KCNC2: variants seen among roughly 807,000 people sequenced by gnomAD.
KCNC2 encodes the protein voltage-gated potassium channel KCNC2.
Under a neutral mutation model 44.5 loss-of-function variants are expected in KCNC2, and 21 were observed. The ratio of observed to expected loss-of-function variants is 0.47; its 90% CI spans 0.33 to 0.68. The LOEUF is 0.68. Ranked by LOEUF, KCNC2 falls within the 30% of genes least tolerant of loss-of-function variation. The pLI is 0.01. For missense variants in KCNC2, 589 were observed against 826.2 expected, an observed-to-expected ratio of 0.71 and a Z score of 3.52; for synonymous variants, 391 against 339.1, an observed-to-expected ratio of 1.15 and a Z score of -1.68.
intron 2 of KCNC2, among the ~76,000 whole-genome samples, chr12:75,204,659 G>T (rs184023230): frequency 6.6e-5 from 10 of 152,040 alleles, no homozygotes; most frequent in South Asian, 4.1e-4. Flanking sequence ...ATGTTTCCTC[G>T]AATTGTGTCG....
chr12:75,205,030 T>A (rs1046630110), intron 2 of KCNC2, among the ~76,000 whole-genome samples: 5 of 152,130 alleles, frequency 3.3e-5, no homozygotes, highest in Non-Finnish European at 7.4e-5. Flanking sequence ...GGAATACATA[T>A]ATTTTAAAAG....
rs1348256175 is a variant in KCNC2, at chr12:75,143,304, T to C, written c.687+63993A>G. On this transcript the variant is annotated intron_variant, in intron 2 of 4. Transcript: ENST00000549446. ...TTTCCTACCTATTCTCCTGTACTTA[T>C]GTCTCAAACTTCATACTCTACTGCC... 2.6e-5 allele frequency among the ~76,000 whole-genome samples: 4 copies of C among 152,328 alleles called. No homozygotes were observed. In the South Asian group the frequency reaches 6.2e-4, roughly 24 times the overall value.
intron 2 of KCNC2, among the ~76,000 whole-genome samples, chr12:75,204,369 G>T (rs574096867): frequency 2.6e-5 from 4 of 152,026 alleles, no homozygotes; most frequent in Non-Finnish European, 4.4e-5. Context: ...TCCTATCACC[G>T]TTGTTTTGTC....
rs903205464 is a variant in KCNC2, at chr12:75,091,799, A to G, written c.688-40482T>C. On this transcript the variant is annotated intron_variant, in intron 2 of 4. Coordinates refer to ENST00000549446, the MANE Select transcript of KCNC2 (RefSeq NM_139137.4). ...AAATCTATGTAGACAATAGAATACTATAAGGATTGCAGGCAAAGATAAAAG... is the reference window on the plus strand; with the variant it reads ...AAATCTATGTAGACAATAGAATACTGTAAGGATTGCAGGCAAAGATAAAAG... Among the ~76,000 whole-genome samples the G allele has an allele frequency of 2.0e-5, 3 of 151,768 alleles. No homozygotes were observed. The South Asian group carries it at 6.2e-4, about 31-fold the overall frequency.
chr12:75,139,130 A>G (rs1451831621), intron 2 of KCNC2, among the ~76,000 whole-genome samples: 1 of 152,118 alleles, frequency 6.6e-6, no homozygotes, highest in Non-Finnish European at 1.5e-5. Flanking sequence ...GACCTCAGGG[A>G]CCTAATAAAT....
At chr12:75,163,582 A>G (rs1386586753) in intron 2 of KCNC2, among the ~76,000 whole-genome samples, 1 of 151,718 alleles carries the variant, frequency 6.6e-6, no homozygotes, top group Non-Finnish European at 1.5e-5. Context: ...AAATTTCAAA[A>G]CTATGAGACA....
chr12:75,189,735 G>T (rs1471863716), intron 2 of KCNC2, among the ~76,000 whole-genome samples: 1 of 152,128 alleles, frequency 6.6e-6, no homozygotes. Flanking sequence ...GTTAGGCAAT[G>T]GTATCAGGAA....
At chr12:75,071,841 G>A (rs1883436908) in intron 2 of KCNC2, among the ~76,000 whole-genome samples, 2 of 146,284 alleles carry the variant, frequency 1.4e-5, no homozygotes, top group Admixed American at 7.1e-5. Context: ...GGAGGCTGAG[G>A]CAGGAGAATC....
intron 2 of KCNC2, among the ~76,000 whole-genome samples, chr12:75,166,560 G>T (rs1447434568): frequency 6.6e-6 from 1 of 151,066 alleles, no homozygotes; most frequent in Non-Finnish European, 1.5e-5. Flanking sequence ...TCATATGGTA[G>T]AGGAAATATA....
At chr12:75,186,467 C>T (rs762206109) in intron 2 of KCNC2, among the ~76,000 whole-genome samples, 6 of 152,076 alleles carry the variant, frequency 3.9e-5, no homozygotes, top group Middle Eastern at 3.2e-3. Flanking sequence ...ATAGAATATT[C>T]TATCATGTGG....
intron 2 of KCNC2, among the ~76,000 whole-genome samples, chr12:75,074,928 T>C (rs527265146): frequency 6.6e-6 from 1 of 152,260 alleles, no homozygotes; most frequent in East Asian, 1.9e-4. Flanking sequence ...AAGAGCTTAC[T>C]TGAATCAAAC....
chr12:75,159,926 C>A (rs895115902), intron 2 of KCNC2, among the ~76,000 whole-genome samples: 18 of 151,726 alleles, frequency 1.2e-4, no homozygotes, highest in African/African-American at 4.4e-4. Flanking sequence ...ATCCCCTGTA[C>A]CTGGCACAAG....
intron 2 of KCNC2, among the ~76,000 whole-genome samples, chr12:75,095,901 G>A (rs1885880301): frequency 6.6e-6 from 1 of 151,662 alleles, no homozygotes; most frequent in Non-Finnish European, 1.5e-5. Context: ...GAATAATGTG[G>A]ACAGGTACTT....
intron 2 of KCNC2, among the ~76,000 whole-genome samples, chr12:75,074,816 G>A (rs1371637664): frequency 6.6e-6 from 1 of 152,162 alleles, no homozygotes; most frequent in Non-Finnish European, 1.5e-5. Flanking sequence ...GGACAAGAGA[G>A]GCAAGTAAGT....
intron 2 of KCNC2, among the ~76,000 whole-genome samples, chr12:75,123,844 T>C (rs1235215201): frequency 6.6e-6 from 1 of 152,210 alleles, no homozygotes; most frequent in Non-Finnish European, 1.5e-5. Context: ...ACATTGGTTA[T>C]AGAGGAAGTT....
intron 2 of KCNC2, among the ~76,000 whole-genome samples, chr12:75,145,419 G>A (rs972755925): frequency 3.3e-5 from 5 of 151,498 alleles, no homozygotes; most frequent in South Asian, 2.1e-4. Flanking sequence ...TACATGCTGG[G>A]TCTAAGCCAG....
intron 2 of KCNC2, among the ~76,000 whole-genome samples, chr12:75,173,738 A>C (rs1655600757): frequency 6.6e-6 from 1 of 151,874 alleles, no homozygotes; most frequent in Non-Finnish European, 1.5e-5. Flanking sequence ...CACAAAATGC[A>C]AAAATAGATT....
rs568299235 is a variant in KCNC2, at chr12:75,046,069, G to A, written c.1780+2084C>T. Among the ~76,000 whole-genome samples, 17 of 151,772 alleles carry A rather than the reference G, an allele frequency of 1.1e-4. No homozygotes were observed. The South Asian group carries it at 2.3e-3, about 20-fold the overall frequency. On this transcript the variant is annotated intron_variant, in intron 4 of 4. Coordinates refer to ENST00000549446, the MANE Select transcript of KCNC2 (RefSeq NM_139137.4). ...ATATGATAAGATAACCAACTGAAAC[G>A]ATTAAGTGAAGTTAGCCAGAAGTAC... is the stretch of plus-strand genomic sequence containing the variant.
intron 2 of KCNC2, among the ~76,000 whole-genome samples, chr12:75,079,621 T>C (rs1486152477): frequency 6.6e-6 from 1 of 152,078 alleles, no homozygotes; most frequent in Non-Finnish European, 1.5e-5. Context: ...TCAGACATCA[T>C]GAATATGAAC....
Sources: gnomAD v4.1 joint callset for allele counts (sites outside exome capture counted in the v4.1 genomes callset) on GRCh38, gnomAD v4.1.1 for gene constraint, MANE v1.5 for transcripts, NCBI Gene and HGNC (gene_info 2026-07-23, HGNC 2026-07-21) for gene names.